CLEC4C: variants seen among roughly 807,000 people sequenced by gnomAD.
CLEC4C encodes C-type (calcium dependent, carbohydrate-recognition domain) lectin, superfamily member 11.
CLEC4C carries 17 observed loss-of-function variants against 27.7 expected under a neutral mutation model. The ratio of observed to expected loss-of-function variants is 0.61; its 90% confidence interval spans 0.42 to 0.92. The LOEUF (loss-of-function observed/expected upper bound fraction) is 0.92. Among genes scored for constraint, CLEC4C ranks in the 40% least tolerant of loss-of-function variants. The pLI is 0.00. For missense variants in CLEC4C, 244 were observed against 257.3 expected (o/e 0.95, Z 0.35); for synonymous variants, 80 against 80.8 (o/e 0.99, Z 0.06).
chr12:7,733,580 C>T (rs1864649282), intron 4 of CLEC4C, among the ~76,000 whole-genome samples: 1 of 148,106 alleles, frequency 6.8e-6, no homozygotes, highest in African/African-American at 2.5e-5. Context: ...CTCCTGGGTT[C>T]ACGCCATTCT....
At chr12:7,734,982 C>T (rs1443379431) in intron 4 of CLEC4C, among the ~76,000 whole-genome samples, 5 of 151,626 alleles carry the variant, frequency 3.3e-5, no homozygotes, top group African/African-American at 1.2e-4. Flanking sequence ...AGGCTGATCA[C>T]TTGAGGCCAG....
intron 2 of CLEC4C, among the ~76,000 whole-genome samples, chr12:7,744,773 C>T (rs1864935045): frequency 1.3e-5 from 2 of 151,858 alleles, no homozygotes; most frequent in African/African-American, 4.8e-5. Context: ...TGCCACCATG[C>T]CAAGTTATAT....
chr12:7,742,737 G>A (rs749106915), intron 2 of CLEC4C, among the ~76,000 whole-genome samples: 86 of 151,906 alleles, frequency 5.7e-4, no homozygotes, highest in Non-Finnish European at 8.7e-4. Flanking sequence ...TTCGACCTGG[G>A]AGGCGAAGGT....
chr12:7,744,480 T>C (rs182652678), intron 2 of CLEC4C, among the ~76,000 whole-genome samples: 5 of 152,328 alleles, frequency 3.3e-5, no homozygotes, highest in African/African-American at 1.2e-4. Context: ...AGAGCACATT[T>C]TGACACCCAA....
intron 4 of CLEC4C, among the ~76,000 whole-genome samples, chr12:7,734,787 A>T (rs951241320): frequency 1.2e-4 from 18 of 151,632 alleles, no homozygotes; most frequent in African/African-American, 4.1e-4. Context: ...ACCTGAGGTG[A>T]TCCACCCGCC....
At chr12:7,735,186 A>G (rs1864695412) in intron 4 of CLEC4C, among the ~76,000 whole-genome samples, 1 of 151,388 alleles carries the variant, frequency 6.6e-6, no homozygotes, top group Non-Finnish European at 1.5e-5. Flanking sequence ...GGGGTGACAG[A>G]GAGAGACTCT....
chr12:7,743,718 C>T (rs1462969275), intron 2 of CLEC4C, among the ~76,000 whole-genome samples: 2 of 152,158 alleles, frequency 1.3e-5, no homozygotes, highest in Admixed American at 6.6e-5. Flanking sequence ...CCTAGTCAAA[C>T]TCTTCTATTT....
intron 4 of CLEC4C, among the ~76,000 whole-genome samples, chr12:7,732,704 T>C (rs1210133997): frequency 6.6e-6 from 1 of 151,506 alleles, no homozygotes; most frequent in Admixed American, 6.6e-5. Context: ...GGTTCACGCC[T>C]ATAATCCAAG....
chr12:7,748,282 C>T (rs1416206196), upstream of CLEC4C, among the ~76,000 whole-genome samples: 2 of 152,178 alleles, frequency 1.3e-5, no homozygotes, highest in Admixed American at 6.6e-5. Context: ...AATCCCAGCA[C>T]TTTGGGAAGC....
chr12:7,730,751 C>T, intron 5 of CLEC4C, 46 bp downstream of exon 5: 1 of 969,730 alleles, frequency 1.0e-6, no homozygotes, highest in Non-Finnish European at 1.7e-6. Flanking sequence ...ACCCTAAACC[C>T]CTACATGATC....
intron 2 of CLEC4C, 103 bp downstream of exon 2, chr12:7,746,228 A>AG (rs368807245): frequency 0.072 from 39,878 of 554,144 alleles, 61 homozygotes; most frequent in Non-Finnish European, 0.079. Context: ...AAAAAAAAAA[A>AG]AAAAAGAAAA....
At position 7,729,573 on chromosome 12, in the gene CLEC4C, C is replaced by T; in HGVS notation, c.*23G>A. ...ACAACGGTGGATGCCAACCCAAACA[C>T]ATTTCCAGGGAGAATATTTCATTTA... is the stretch of plus-strand genomic sequence containing the variant. On this transcript the variant is annotated 3_prime_UTR_variant, in exon 6 of 6. Coordinates refer to ENST00000360345, the MANE Select transcript of CLEC4C (RefSeq NM_001371390.1). 1 of 1,608,136 alleles carries T rather than the reference C, an allele frequency of 6.2e-7. No individual in the cohort carries two copies. Among genetic ancestry groups the T allele is most frequent in the South Asian group, 1.1e-5 (1 of 90,322 alleles).
chr12:7,739,241 T>C (rs1022580895), intron 3 of CLEC4C, among the ~76,000 whole-genome samples: 1 of 151,330 alleles, frequency 6.6e-6, no homozygotes. Context: ...GCCTCCGGAG[T>C]AGCTGGGACT....
At chr12:7,741,651 G>A in intron 2 of CLEC4C, 120 bp from the exon 3 acceptor site, 1 of 594,420 alleles carries the variant, frequency 1.7e-6, no homozygotes. Flanking sequence ...ACTTTAGGAG[G>A]CCGAGGTGGG....
intron 2 of CLEC4C, among the ~76,000 whole-genome samples, chr12:7,742,634 C>A (rs1034746309): frequency 6.6e-6 from 1 of 151,072 alleles, no homozygotes; most frequent in Non-Finnish European, 1.5e-5. Context: ...CATGGTGAAA[C>A]CCCATCTCTA....
At chr12:7,740,559 G>A (rs1864829220) in intron 3 of CLEC4C, among the ~76,000 whole-genome samples, 1 of 151,674 alleles carries the variant, frequency 6.6e-6, no homozygotes, top group Admixed American at 6.6e-5. Flanking sequence ...AAATTAGCCG[G>A]GCCTGGCAGC....
At chr12:7,735,484 T>C (rs150519088) in intron 4 of CLEC4C, among the ~76,000 whole-genome samples, 1,929 of 100,898 alleles carry the variant, frequency 0.019, 52 homozygotes, top group African/African-American at 0.066. Context: ...GCCTGGGCGA[T>C]AGAACAAGAC....
At chr12:7,740,018 G>C (rs1341781340) in intron 3 of CLEC4C, among the ~76,000 whole-genome samples, 6 of 151,938 alleles carry the variant, frequency 3.9e-5, no homozygotes, top group African/African-American at 1.5e-4. Context: ...ATTTTTAATA[G>C]AGACAGGGTT....
intron 4 of CLEC4C, among the ~76,000 whole-genome samples, chr12:7,733,280 T>G (rs928175394): frequency 6.6e-6 from 1 of 151,484 alleles, no homozygotes; most frequent in African/African-American, 2.4e-5. Context: ...TTTTTTTTTT[T>G]GGAGGTGGAG....
Sources: gnomAD v4.1 joint callset for allele counts (sites outside exome capture counted in the v4.1 genomes callset) on GRCh38, gnomAD v4.1.1 for gene constraint, MANE v1.5 for transcripts, NCBI Gene and HGNC (gene_info 2026-07-23, HGNC 2026-07-21) for gene names.